Variants in SPPL3 observed in about 807,000 individuals in gnomAD.
SPPL3 encodes the protein signal peptide peptidase like 3.
Under a neutral mutation model 42.4 loss-of-function variants are expected in SPPL3, and 5 were observed. The ratio of observed to expected loss-of-function variants is 0.12; its 90% CI spans 0.06 to 0.25. The LOEUF is 0.25. Ranked by LOEUF, SPPL3 falls within the 10% of genes least tolerant of loss-of-function variation. The pLI, the probability that SPPL3 is intolerant of heterozygous loss-of-function variation, is 1.00. For synonymous variants in SPPL3, 195 were observed against 181.8 expected (o/e 1.07, Z -0.58); for missense variants, 235 against 489.0 (o/e 0.48, Z 4.90).
At chr12:120,893,437 T>C (rs1873708457) in intron 1 of SPPL3, among the ~76,000 whole-genome samples, 1 of 152,134 alleles carries the variant, frequency 6.6e-6, no homozygotes, top group Non-Finnish European at 1.5e-5. Context: ...ATTATCTCCC[T>C]TATTTATAAA....
At chr12:120,895,486 C>T (rs1873773370) in intron 1 of SPPL3, among the ~76,000 whole-genome samples, 1 of 151,760 alleles carries the variant, frequency 6.6e-6, no homozygotes, top group African/African-American at 2.4e-5. Flanking sequence ...GGAATGTAGC[C>T]ATGGACTATG....
At chr12:120,777,890 G>A (rs1036911789) in intron 6 of SPPL3, among the ~76,000 whole-genome samples, 1 of 152,022 alleles carries the variant, frequency 6.6e-6, no homozygotes, top group African/African-American at 2.4e-5. Flanking sequence ...CTACACAGAC[G>A]GGCACGGGTG....
Position 120,804,122 on chromosome 12 carries a change from C to T in SPPL3, c.101+6687G>A, listed in dbSNP as rs550461288. Among the ~76,000 whole-genome samples, 26 of 152,176 alleles carry T rather than the reference C, an allele frequency of 1.7e-4. 1 individual carries two copies. In the South Asian group the frequency reaches 5.4e-3, roughly 32 times the overall value. ...TACGTAAATGAACTGCCCTCATTAC[C>T]TAAGAAAGCATTGGTAGGTGCTTGC... On this transcript the variant is annotated intron_variant, in intron 2 of 10. Coordinates refer to ENST00000353487, the MANE Select transcript of SPPL3 (RefSeq NM_139015.5).
chr12:120,861,783 A>C (rs1326990354), intron 1 of SPPL3, among the ~76,000 whole-genome samples: 3 of 152,220 alleles, frequency 2.0e-5, no homozygotes, highest in Non-Finnish European at 4.4e-5. Context: ...TGTTACTTGT[A>C]TTATGAAATG....
At chr12:120,893,634 T>C (rs1204438654) in intron 1 of SPPL3, among the ~76,000 whole-genome samples, 1 of 152,160 alleles carries the variant, frequency 6.6e-6, no homozygotes, top group Non-Finnish European at 1.5e-5. Flanking sequence ...TGACTTCCTT[T>C]ACAAATTCAA....
chr12:120,820,477 G>A (rs568833342), intron 1 of SPPL3, among the ~76,000 whole-genome samples: 18 of 151,838 alleles, frequency 1.2e-4, no homozygotes, highest in African/African-American at 3.6e-4. Context: ...CACCACATCC[G>A]GCTAATTTTT....
chr12:120,897,590 G>T (rs1873848811), intron 1 of SPPL3, among the ~76,000 whole-genome samples: 1 of 152,158 alleles, frequency 6.6e-6, no homozygotes, highest in Non-Finnish European at 1.5e-5. Context: ...GGGCGTGGTG[G>T]CGGGTGCCTG....
intron 1 of SPPL3, among the ~76,000 whole-genome samples, chr12:120,820,176 T>G (rs1871012229): frequency 6.6e-6 from 1 of 152,260 alleles, no homozygotes; most frequent in African/African-American, 2.4e-5. Flanking sequence ...TGTTAGAATT[T>G]TTTTGCTATC....
intron 1 of SPPL3, among the ~76,000 whole-genome samples, chr12:120,846,807 C>T (rs1444999113): frequency 1.3e-5 from 2 of 152,146 alleles, no homozygotes; most frequent in Admixed American, 1.3e-4. Flanking sequence ...ACTGGTTTCA[C>T]AGAAATTCTT....
chr12:120,768,510 T>G, intron 7 of SPPL3, 22 bp from the exon 8 acceptor site: 1 of 1,599,306 alleles, frequency 6.3e-7, no homozygotes, highest in South Asian at 1.1e-5. Flanking sequence ...GAGAGATGCC[T>G]TTAACAGAGG....
intron 2 of SPPL3, among the ~76,000 whole-genome samples, chr12:120,801,748 T>C (rs776478777): frequency 6.6e-6 from 1 of 152,238 alleles, no homozygotes; most frequent in Non-Finnish European, 1.5e-5. Context: ...CAGAGAAATA[T>C]TAAGACCAGC....
At chr12:120,813,383 T>A (rs1281771179) in intron 1 of SPPL3, among the ~76,000 whole-genome samples, 1 of 150,546 alleles carries the variant, frequency 6.6e-6, no homozygotes, top group African/African-American at 2.5e-5. Context: ...AATGGCACGA[T>A]CTCGGCTCAC....
At chr12:120,768,699 C>A in intron 7 of SPPL3, 1 of 661,522 alleles carries the variant, frequency 1.5e-6, no homozygotes, top group Admixed American at 3.0e-5. Context: ...ACGGGGTGGC[C>A]CCCACTGCAG....
intron 2 of SPPL3, 56 bp downstream of exon 2, chr12:120,810,753 C>T: frequency 7.3e-7 from 1 of 1,378,018 alleles, no homozygotes. Flanking sequence ...ACTTTCAGAG[C>T]AATGCTTCCT....
intron 1 of SPPL3, among the ~76,000 whole-genome samples, chr12:120,819,776 G>T (rs142027887): frequency 3.9e-5 from 6 of 152,178 alleles, no homozygotes; most frequent in African/African-American, 1.2e-4. Context: ...CTTAACAAAA[G>T]AAACTTTTAC....
chr12:120,852,704 A>ATATAT (rs1365114955), intron 1 of SPPL3, among the ~76,000 whole-genome samples: 12 of 17,528 alleles, frequency 6.8e-4, no homozygotes, highest in Admixed American at 2.4e-3. Flanking sequence ...CATATTTTAC[A>ATATAT]TATATGAAAT....
At chr12:120,839,739 C>T (rs1175793336) in intron 1 of SPPL3, among the ~76,000 whole-genome samples, 1 of 152,084 alleles carries the variant, frequency 6.6e-6, no homozygotes, top group African/African-American at 2.4e-5. Context: ...AGTGCAGTCA[C>T]TTTGGAAAAC....
In SPPL3 at chr12:120,764,947, A is replaced by G; in HGVS notation, c.*52T>C. The G allele has an allele frequency of 6.3e-7, 1 of 1,585,034 alleles. No homozygotes were observed. Among genetic ancestry groups the G allele is most frequent in the Admixed American group, 1.7e-5 (1 of 58,328 alleles). Reference sequence around the variant, plus strand: ...CAGCTCTAAGAGGAAACAAACCATGAGTTGAGAGAAAAGGACTATGACGGC... The same window carrying G: ...CAGCTCTAAGAGGAAACAAACCATGGGTTGAGAGAAAAGGACTATGACGGC... On this transcript the variant is annotated 3_prime_UTR_variant, in exon 11 of 11. Transcript: ENST00000353487.
chr12:120,821,858 T>C (rs114762055), intron 1 of SPPL3, among the ~76,000 whole-genome samples: 2,636 of 152,216 alleles, frequency 0.017, 87 homozygotes, highest in African/African-American at 0.059. Flanking sequence ...TGTCTATCGG[T>C]GAATGAATGG....
Sources: allele counts gnomAD v4.1 joint callset (sites outside exome capture counted in the v4.1 genomes callset), GRCh38; gene constraint gnomAD v4.1.1; transcripts MANE v1.5; gene names NCBI Gene and HGNC (gene_info 2026-07-23, HGNC 2026-07-21).